Variants in ATP6V1A observed in about 807,000 individuals in gnomAD.
ATP6V1A encodes the protein V-type proton ATPase catalytic subunit A.
In ATP6V1A, 18 loss-of-function variants were observed where a neutral mutation model predicts 70.1. That is an observed-to-expected ratio of 0.26 (90% CI 0.18 to 0.38). The LOEUF is 0.38. ATP6V1A is among the 10% of genes least tolerant of loss of function. ATP6V1A has a pLI of 1.00. For synonymous variants in ATP6V1A, 232 were observed against 253.8 expected (o/e 0.91, Z 0.82); for missense variants, 424 against 772.4 (o/e 0.55, Z 5.35).
chr3:113,806,157 C>T lies in ATP6V1A; in HGVS notation c.1761+632C>T, dbSNP rs575178036. On this transcript the variant is annotated intron_variant, in intron 14 of 14. Transcript: ENST00000273398. ...GGTGTGGGGCACACACCTGTAGTCT[C>T]AGCTATCTGGGAGGCTGAGGTCAAG... Among the ~76,000 whole-genome samples, 25 of 152,192 alleles carry T rather than the reference C, an allele frequency of 1.6e-4. No individual in the cohort carries two copies. The East Asian group carries it at 2.7e-3, about 17-fold the overall frequency.
At chr3:113,779,283 A>T (rs1000681374) in intron 2 of ATP6V1A, 1 of 152,198 alleles carries the variant, frequency 6.6e-6, no homozygotes, top group African/African-American at 2.4e-5. Context: ...GCATTTATGA[A>T]ACTTTTTGAA....
chr3:113,780,212 A>G (rs936710457), intron 2 of ATP6V1A, among the ~76,000 whole-genome samples: 6 of 152,328 alleles, frequency 3.9e-5, no homozygotes, highest in Admixed American at 2.0e-4. Flanking sequence ...TACACAGGTT[A>G]ATTAACTCAT....
At chr3:113,769,347 T>A (rs1708807419) in intron 1 of ATP6V1A, among the ~76,000 whole-genome samples, 1 of 152,204 alleles carries the variant, frequency 6.6e-6, no homozygotes, top group Admixed American at 6.5e-5. Flanking sequence ...ATCCATTAGA[T>A]TCTTCTGAAT....
rs551744031 is a variant in ATP6V1A, at chr3:113,803,648, A to G, written c.1560A>G (p.Leu520=). 14 of 1,610,122 alleles carry G rather than the reference A, an allele frequency of 8.7e-6. No individual in the cohort carries two copies. The Admixed American group carries it at 1.5e-4, about 17-fold the overall frequency. ...CAAAACTTATCAAAGATGATTTCCTACAACAAAATGGATATACTCCTTATG... is the reference window on the plus strand; with the variant it reads ...CAAAACTTATCAAAGATGATTTCCTGCAACAAAATGGATATACTCCTTATG... ...EVAKLIKDDF[L]QQNGYTPYDR... The change falls in exon 13 of 15, where the codon CTA becomes CTG. Residue 520 remains leucine (L), a synonymous_variant. Transcript: ENST00000273398.
At chr3:113,785,169 T>A (rs1402383421) in intron 5 of ATP6V1A, among the ~76,000 whole-genome samples, 1 of 152,198 alleles carries the variant, frequency 6.6e-6, no homozygotes, top group Non-Finnish European at 1.5e-5. Flanking sequence ...GGACCGGGCA[T>A]GTAGGCTCAC....
intron 6 of ATP6V1A, among the ~76,000 whole-genome samples, chr3:113,787,761 T>C (rs1201778264): frequency 6.6e-6 from 1 of 152,236 alleles, no homozygotes. Context: ...TTAAAAGTAA[T>C]GGCAAAAACC....
chr3:113,748,586 A>G (rs749607708), intron 1 of ATP6V1A, among the ~76,000 whole-genome samples: 2 of 152,244 alleles, frequency 1.3e-5, no homozygotes, highest in African/African-American at 2.4e-5. Context: ...ATTCTATACA[A>G]TAAACGGTCT....
At chr3:113,799,710 G>C (rs992600106) in intron 12 of ATP6V1A, among the ~76,000 whole-genome samples, 1 of 152,274 alleles carries the variant, frequency 6.6e-6, no homozygotes, top group African/African-American at 2.4e-5. Context: ...GGGGTGTTAT[G>C]ATTCAAGATA....
chr3:113,788,869 C>T lies in ATP6V1A; in HGVS notation c.873C>T (p.Phe291=). Residue 291 remains phenylalanine, a synonymous_variant, in exon 7 of 15, where the codon TTC becomes TTT. Coordinates refer to ENST00000273398, the MANE Select transcript of ATP6V1A (RefSeq NM_001690.4). The part of the protein sequence containing the change: ...GNEMSEVLRD[F]PELTMEVDGK... The stretch of plus-strand genomic sequence containing the variant: ...AGATGTCTGAAGTCCTCCGGGACTT[C>T]CCAGAGGTCTGTATAAAGCTTCAAA... The T allele has an allele frequency of 6.2e-7, 1 of 1,611,930 alleles. No individual in the cohort carries two copies. Among genetic ancestry groups the T allele is most frequent in the Non-Finnish European group, 8.5e-7 (1 of 1,179,260 alleles).
At chr3:113,755,726 G>C (rs1708640633) in intron 1 of ATP6V1A, among the ~76,000 whole-genome samples, 1 of 152,112 alleles carries the variant, frequency 6.6e-6, no homozygotes, top group African/African-American at 2.4e-5. Context: ...TTTTAATTCA[G>C]TTGAATGGGT....
intron 10 of ATP6V1A, among the ~76,000 whole-genome samples, chr3:113,795,585 T>C (rs1276738174): frequency 2.0e-5 from 3 of 151,976 alleles, no homozygotes; most frequent in Non-Finnish European, 4.4e-5. Flanking sequence ...CCTTGCTTCA[T>C]CTATTTGATT....
intron 5 of ATP6V1A, among the ~76,000 whole-genome samples, chr3:113,785,400 A>T (rs557516994): frequency 6.2e-4 from 95 of 152,164 alleles, no homozygotes; most frequent in African/African-American, 2.3e-3. Context: ...AGATCGTGCC[A>T]TTGCACTCCA....
intron 1 of ATP6V1A, among the ~76,000 whole-genome samples, chr3:113,765,640 G>A (rs959217867): frequency 6.7e-6 from 1 of 150,370 alleles, no homozygotes; most frequent in African/African-American, 2.5e-5. Flanking sequence ...ATGAGTGGCC[G>A]GGCGCGGTGG....
chr3:113,803,123 A>G (rs149630200), intron 12 of ATP6V1A, among the ~76,000 whole-genome samples: 2 of 152,354 alleles, frequency 1.3e-5, no homozygotes, highest in East Asian at 3.9e-4. Flanking sequence ...CAATACAGAT[A>G]AACTTTGAGG....
At chr3:113,806,015 G>A (rs1324424038) in intron 14 of ATP6V1A, among the ~76,000 whole-genome samples, 3 of 152,286 alleles carry the variant, frequency 2.0e-5, no homozygotes, top group South Asian at 2.1e-4. Flanking sequence ...TCTCATGCCT[G>A]TAATCCCAGC....
At chr3:113,771,070 G>T (rs1174401047) in intron 1 of ATP6V1A, among the ~76,000 whole-genome samples, 1 of 151,416 alleles carries the variant, frequency 6.6e-6, no homozygotes, top group East Asian at 1.9e-4. Flanking sequence ...ACTCCAGCCT[G>T]GGCAACAGAG....
chr3:113,811,477 GA>G lies in ATP6V1A; in HGVS notation c.*2051del. On this transcript the variant is annotated 3_prime_UTR_variant, in exon 15 of 15. Transcript: ENST00000273398. ...TTTGCTTCCAAAGTGGCCTACTCAA[GA>G]GGCCCTAAGACTGGTAGAAATTAAA... 1 of 152,732 alleles carries G rather than the reference GA, an allele frequency of 6.5e-6. No individual in the cohort carries two copies. Among genetic ancestry groups the G allele is most frequent in the East Asian group, 1.9e-4 (1 of 5,192 alleles). The allele number at this position is 152,732 out of a possible 1,614,324, so 9.5% of individuals were successfully genotyped here.
intron 1 of ATP6V1A, among the ~76,000 whole-genome samples, chr3:113,756,097 A>G (rs1255752712): frequency 2.0e-5 from 3 of 152,180 alleles, no homozygotes; most frequent in African/African-American, 7.2e-5. Flanking sequence ...ATTTTTCTAT[A>G]TTTAACAAAT....
intron 1 of ATP6V1A, among the ~76,000 whole-genome samples, chr3:113,748,707 A>G (rs939514666): frequency 2.0e-5 from 3 of 152,256 alleles, no homozygotes; most frequent in African/African-American, 7.2e-5. Flanking sequence ...GCTCCTTAGT[A>G]GAAAACATAA....
Sources: allele counts gnomAD v4.1 joint callset (sites outside exome capture counted in the v4.1 genomes callset), GRCh38; gene constraint gnomAD v4.1.1; transcripts MANE v1.5; gene names NCBI Gene and HGNC (gene_info 2026-07-23, HGNC 2026-07-21).